TSPAN5: variants seen among roughly 807,000 people sequenced by gnomAD.
TSPAN5 encodes the protein tetraspanin 5.
Under a neutral mutation model 37.1 loss-of-function variants are expected in TSPAN5, and 10 were observed. That is an observed-to-expected ratio of 0.27 (90% CI 0.17 to 0.46). The LOEUF is 0.46. Ranked by LOEUF, TSPAN5 falls within the 20% of genes least tolerant of loss-of-function variation. The probability of loss-of-function intolerance (pLI) is 1.00; values close to 1 mark genes in which losing one functional copy is unlikely to be tolerated. For synonymous variants in TSPAN5, 110 were observed against 118.9 expected, an observed-to-expected ratio of 0.93 and a Z score of 0.48; for missense variants, 195 against 326.6, an observed-to-expected ratio of 0.60 and a Z score of 3.11.
At chr4:98,598,292 G>C (rs1211910265) in intron 1 of TSPAN5, among the ~76,000 whole-genome samples, 2 of 140,776 alleles carry the variant, frequency 1.4e-5, no homozygotes. Flanking sequence ...GCCCTGCTTC[G>C]GCTCGCGCAC....
chr4:98,492,075 G>GT (rs534801224), intron 2 of TSPAN5, among the ~76,000 whole-genome samples: 122 of 152,242 alleles, frequency 8.0e-4, no homozygotes, highest in African/African-American at 2.9e-3. Context: ...CCTCCTCCTT[G>GT]TAAGGATGCC....
intron 1 of TSPAN5, among the ~76,000 whole-genome samples, chr4:98,580,154 T>C (rs1293712882): frequency 6.6e-6 from 1 of 152,102 alleles, no homozygotes; most frequent in East Asian, 1.9e-4. Flanking sequence ...TTAAGCAAAA[T>C]AAACTCTTGC....
At chr4:98,520,021 C>T (rs1416461456) in intron 1 of TSPAN5, among the ~76,000 whole-genome samples, 1 of 152,144 alleles carries the variant, frequency 6.6e-6, no homozygotes, top group South Asian at 2.1e-4. Context: ...CTGGCATATG[C>T]CTGGCTCAAT....
At position 98,476,224 on chromosome 4, in the gene TSPAN5, C is replaced by T. The variant is rs377435063; in HGVS notation, c.706G>A (p.Val236Ile). The change falls in exon 7 of 8, where the codon GTT becomes ATT. Residue 236 changes from valine to isoleucine, a missense_variant. Transcript: ENST00000305798. ...GCAATGCCTATGAAAATACCAGCAA[C>T]GATGGTTAAATTGTCCTGCAACCAC... ...EKWLQDNLTIVAGIFIGIALL... is the reference protein window; with the variant it reads ...EKWLQDNLTIIAGIFIGIALL... 11 of 1,614,038 alleles carry T rather than the reference C, an allele frequency of 6.8e-6. No homozygotes were observed. Among genetic ancestry groups the T allele is most frequent in the African/African-American group, 2.7e-5 (2 of 74,924 alleles).
intron 1 of TSPAN5, among the ~76,000 whole-genome samples, chr4:98,528,846 G>A (rs1372873264): frequency 1.3e-5 from 2 of 152,190 alleles, no homozygotes; most frequent in African/African-American, 4.8e-5. Flanking sequence ...CACTCTGCTG[G>A]AAATGGGGGG....
Position 98,478,748 on chromosome 4 carries a change from T to A in TSPAN5, c.513A>T (p.Thr171=). The A allele has an allele frequency of 6.2e-7, 1 of 1,614,136 alleles. No individual in the cohort carries two copies. The highest frequency in any genetic ancestry group is 8.5e-7 in the Non-Finnish European group (1 of 1,179,998). The change falls in exon 5 of 8, where the codon ACA becomes ACT. Residue 171 remains threonine (T), a synonymous_variant. Coordinates refer to ENST00000305798, the MANE Select transcript of TSPAN5 (RefSeq NM_005723.4). ...ATCGCTCTCGACTTGCATTGGAATC[T>A]GTGCAATTGAAGTAAATATTTAGGT... ...DWNLNIYFNC[T]DSNASRERCG... is the part of the protein sequence containing the mutation.
intron 1 of TSPAN5, among the ~76,000 whole-genome samples, chr4:98,558,302 G>T (rs1204172579): frequency 6.6e-6 from 1 of 152,088 alleles, no homozygotes; most frequent in African/African-American, 2.4e-5. Context: ...GGGGAAAATG[G>T]GTGCACAGTA....
chr4:98,584,785 A>G (rs1293006579), intron 1 of TSPAN5, among the ~76,000 whole-genome samples: 10 of 152,230 alleles, frequency 6.6e-5, no homozygotes, highest in Non-Finnish European at 1.5e-4. Context: ...GGTAAAAGGA[A>G]CTTCAGAAAA....
chr4:98,588,150 T>C (rs1275358686), intron 1 of TSPAN5, among the ~76,000 whole-genome samples: 2 of 152,038 alleles, frequency 1.3e-5, no homozygotes, highest in African/African-American at 4.8e-5. Flanking sequence ...TTTGTAAAAG[T>C]GGTTGTGTCT....
intron 2 of TSPAN5, among the ~76,000 whole-genome samples, chr4:98,487,755 C>T (rs1233374947): frequency 1.3e-5 from 2 of 152,170 alleles, no homozygotes; most frequent in African/African-American, 4.8e-5. Flanking sequence ...TACTTCCTCA[C>T]TTTCAACTCT....
rs557628377 is a variant in TSPAN5 at position 98,472,211 on chromosome 4, T to C, written c.*311A>G. On this transcript the variant is annotated 3_prime_UTR_variant, in exon 8 of 8. Transcript: ENST00000305798. Reference sequence around the variant, plus strand: ...AAGATGAGGACAAGAATGTATTTTCTGCACATTCAAGTACATCTGGGTCCC... The same window carrying C: ...AAGATGAGGACAAGAATGTATTTTCCGCACATTCAAGTACATCTGGGTCCC... The C allele has an allele frequency of 3.9e-6, 1 of 254,294 alleles. No individual in the cohort carries two copies. Among genetic ancestry groups the C allele is most frequent in the East Asian group, 7.4e-5 (1 of 13,436 alleles). 15.8% of individuals were successfully genotyped at this position (254,294 alleles called of 1,614,324 possible). A position where few individuals can be genotyped will look rare whatever the true frequency, so the allele number is the denominator to read the frequency against.
chr4:98,570,116 T>G (rs1287857571), intron 1 of TSPAN5, among the ~76,000 whole-genome samples: 1 of 152,178 alleles, frequency 6.6e-6, no homozygotes, highest in African/African-American at 2.4e-5. Context: ...AACAGAAGAA[T>G]CAATGTTATC....
intron 1 of TSPAN5, among the ~76,000 whole-genome samples, chr4:98,582,988 G>A (rs1291157345): frequency 6.6e-6 from 1 of 152,168 alleles, no homozygotes; most frequent in Non-Finnish European, 1.5e-5. Flanking sequence ...AAGCACTGGA[G>A]GGAGGGAAGG....
rs529523107 is a variant in TSPAN5, at chr4:98,573,731, A to T, written c.82-66003T>A. Among the ~76,000 whole-genome samples, 22 of 152,222 alleles carry T rather than the reference A, an allele frequency of 1.4e-4. No individual in the cohort carries two copies. In the South Asian group the frequency reaches 4.6e-3, roughly 32 times the overall value. ...CAAGGACTAAACAATCTTAATAAGA[A>T]GCAGAAGTACAAAATGTTCTGAATT... On this transcript the variant is annotated intron_variant, in intron 1 of 7. Transcript: ENST00000305798.
intron 1 of TSPAN5, among the ~76,000 whole-genome samples, chr4:98,648,643 T>C (rs192063606): frequency 2.6e-5 from 4 of 152,342 alleles, no homozygotes; most frequent in African/African-American, 7.2e-5. Flanking sequence ...AAAAATTCCA[T>C]GAGGGATAAA....
At chr4:98,537,148 C>T (rs1041217818) in intron 1 of TSPAN5, among the ~76,000 whole-genome samples, 9 of 152,220 alleles carry the variant, frequency 5.9e-5, no homozygotes, top group Admixed American at 4.6e-4. Context: ...GAGGGAATCT[C>T]CTGGTTTGTG....
At chr4:98,598,889 G>A (rs1398664721) in intron 1 of TSPAN5, among the ~76,000 whole-genome samples, 2 of 152,246 alleles carry the variant, frequency 1.3e-5, no homozygotes, top group East Asian at 3.9e-4. Context: ...CAGGAGAAGA[G>A]GAAAATGCAC....
intron 1 of TSPAN5, among the ~76,000 whole-genome samples, chr4:98,590,501 G>A (rs1049244873): frequency 6.6e-6 from 1 of 152,040 alleles, no homozygotes; most frequent in South Asian, 2.1e-4. Context: ...ACGAGGTCAG[G>A]AGATCGAGAC....
chr4:98,484,800 T>TA (rs113635952), intron 3 of TSPAN5: 5,296 of 247,678 alleles, frequency 0.021, 9 homozygotes, highest in South Asian at 0.032. Flanking sequence ...CATCTTTACT[T>TA]AAAAAAAAAA....
Sources: allele counts gnomAD v4.1 joint callset (sites outside exome capture counted in the v4.1 genomes callset), GRCh38; gene constraint gnomAD v4.1.1; transcripts MANE v1.5; gene names NCBI Gene and HGNC (gene_info 2026-07-23, HGNC 2026-07-21).